The following CORO1C variants were observed in gnomAD, a reference collection of about 807,000 sequenced individuals.
CORO1C encodes the protein coronin 1C.
A neutral mutation model predicts 51.2 loss-of-function variants in CORO1C; 14 were observed. The ratio of observed to expected loss-of-function variants is 0.27; its 90% CI spans 0.18 to 0.43. CORO1C has a LOEUF of 0.43. Ranked by LOEUF, CORO1C falls within the 20% of genes least tolerant of loss-of-function variation. CORO1C has a pLI of 1.00. For missense variants in CORO1C, 417 were observed against 607.8 expected, an observed-to-expected ratio of 0.69 and a Z score of 3.30; for synonymous variants, 181 against 210.5, an observed-to-expected ratio of 0.86 and a Z score of 1.21.
chr12:108,648,198 G>A (rs1237599052), intron 10 of CORO1C, among the ~76,000 whole-genome samples: 1 of 152,054 alleles, frequency 6.6e-6, no homozygotes, highest in Non-Finnish European at 1.5e-5. Flanking sequence ...CCTCCTTCCA[G>A]GGACCTCCTC....
intron 1 of CORO1C, among the ~76,000 whole-genome samples, chr12:108,726,184 G>A (rs1022093071): frequency 2.0e-5 from 3 of 152,112 alleles, no homozygotes; most frequent in Admixed American, 6.5e-5. Flanking sequence ...CTGGGAGGCC[G>A]AGGCGGGCGG....
At chr12:108,715,128 G>A (rs1056862944) in intron 1 of CORO1C, among the ~76,000 whole-genome samples, 3 of 152,116 alleles carry the variant, frequency 2.0e-5, no homozygotes, top group African/African-American at 7.2e-5. Context: ...CAGCACTTTG[G>A]GAGGCTGAAG....
chr12:108,693,263 A>T (rs76826111), intron 2 of CORO1C, among the ~76,000 whole-genome samples: 16 of 152,356 alleles, frequency 1.1e-4, no homozygotes, highest in Admixed American at 7.8e-4. Context: ...TTTGGTTTCA[A>T]TTTCTACAAC....
At chr12:108,681,542 A>G (rs1221154081) in intron 2 of CORO1C, among the ~76,000 whole-genome samples, 1 of 152,224 alleles carries the variant, frequency 6.6e-6, no homozygotes, top group Non-Finnish European at 1.5e-5. Context: ...AGAAACAAAA[A>G]AATGGAAAAC....
intron 1 of CORO1C, among the ~76,000 whole-genome samples, chr12:108,710,097 TCTC>T (rs930518582): frequency 1.3e-5 from 2 of 152,200 alleles, no homozygotes; most frequent in Admixed American, 6.5e-5. Context: ...AATTTATCAC[TCTC>T]CTCCTATTTT....
intron 2 of CORO1C, among the ~76,000 whole-genome samples, chr12:108,679,634 G>A (rs1447644705): frequency 6.6e-6 from 1 of 152,208 alleles, no homozygotes; most frequent in African/African-American, 2.4e-5. Flanking sequence ...CAACACTGGA[G>A]CAGGCTTCTT....
chr12:108,677,816 C>T (rs1017010975), intron 3 of CORO1C, among the ~76,000 whole-genome samples: 11 of 152,040 alleles, frequency 7.2e-5, no homozygotes, highest in Non-Finnish European at 1.0e-4. Context: ...GTCAGGAGTT[C>T]GAGACCAGCC....
At chr12:108,654,557 T>C (rs1197947486) in intron 6 of CORO1C, 147 bp from the exon 7 acceptor site, 2 of 498,614 alleles carry the variant, frequency 4.0e-6, no homozygotes, top group Non-Finnish European at 7.1e-6. Flanking sequence ...GCACATACAA[T>C]ACTCATACAT....
chr12:108,692,042 G>A (rs2136852575), intron 2 of CORO1C, among the ~76,000 whole-genome samples: 1 of 144,120 alleles, frequency 6.9e-6, no homozygotes, highest in Admixed American at 6.8e-5. Context: ...AGGAGAAAAT[G>A]AAAAGGCCCT....
chr12:108,706,326 C>T (rs2035031207), intron 1 of CORO1C, among the ~76,000 whole-genome samples: 1 of 152,100 alleles, frequency 6.6e-6, no homozygotes, highest in African/African-American at 2.4e-5. Flanking sequence ...ACAGCTAACT[C>T]AATATTCAAT....
chr12:108,676,258 C>T (rs1022576039), intron 3 of CORO1C, among the ~76,000 whole-genome samples: 1 of 152,162 alleles, frequency 6.6e-6, no homozygotes, highest in Non-Finnish European at 1.5e-5. Context: ...GAAAGTTCTA[C>T]TTTTTGACAT....
At chr12:108,672,992 CATTGAA>C (rs1395551936) in intron 3 of CORO1C, among the ~76,000 whole-genome samples, 2 of 152,140 alleles carry the variant, frequency 1.3e-5, no homozygotes, top group Non-Finnish European at 2.9e-5. Flanking sequence ...GACATAACAA[CATTGAA>C]ATTAGGCCAA....
intron 3 of CORO1C, among the ~76,000 whole-genome samples, chr12:108,676,796 A>G (rs2033924386): frequency 6.6e-6 from 1 of 151,548 alleles, no homozygotes. Flanking sequence ...AAATTCTGGC[A>G]TCAGGTCTAA....
chr12:108,687,376 A>G (rs1186016444), intron 2 of CORO1C, among the ~76,000 whole-genome samples: 1 of 152,138 alleles, frequency 6.6e-6, no homozygotes, highest in African/African-American at 2.4e-5. Context: ...AGTCCCAGCT[A>G]CTTGGGAGGC....
At chr12:108,709,610 T>C (rs2035124405) in intron 1 of CORO1C, among the ~76,000 whole-genome samples, 1 of 152,146 alleles carries the variant, frequency 6.6e-6, no homozygotes, top group South Asian at 2.1e-4. Flanking sequence ...TCACCAAACT[T>C]AGGAGTTCTG....
At chr12:108,657,520 C>T in intron 5 of CORO1C, 97 bp from the exon 6 acceptor site, 1 of 1,318,362 alleles carries the variant, frequency 7.6e-7, no homozygotes, top group Non-Finnish European at 1.1e-6. Flanking sequence ...AACTGCCATT[C>T]ATGTTCACCT....
chr12:108,679,144 G>GAAAAA (rs58733297), intron 2 of CORO1C, among the ~76,000 whole-genome samples: 1 of 47,358 alleles, frequency 2.1e-5, no homozygotes, highest in Non-Finnish European at 4.5e-5. Context: ...CAAGAAAAAA[G>GAAAAA]AAAAAAAAAA....
At chr12:108,716,335 AG>A (rs777697259) in intron 1 of CORO1C, among the ~76,000 whole-genome samples, 4 of 152,124 alleles carry the variant, frequency 2.6e-5, no homozygotes, top group Non-Finnish European at 4.4e-5. Flanking sequence ...CTGTTATACC[AG>A]GAAATGAAAT....
intron 1 of CORO1C, among the ~76,000 whole-genome samples, chr12:108,720,936 A>G (rs1039468462): frequency 2.0e-5 from 3 of 152,218 alleles, no homozygotes; most frequent in South Asian, 2.1e-4. Context: ...TTGAAATTCA[A>G]TTACTCAATT....
Sources: gnomAD v4.1 joint callset for allele counts (sites outside exome capture counted in the v4.1 genomes callset) on GRCh38, gnomAD v4.1.1 for gene constraint, MANE v1.5 for transcripts, NCBI Gene and HGNC (gene_info 2026-07-23, HGNC 2026-07-21) for gene names.